TTN: variants seen among roughly 807,000 people sequenced by gnomAD.
The protein encoded by TTN is connectin.
TTN carries 1,525 observed loss-of-function variants against 3,223.0 expected under a neutral mutation model. The ratio of observed to expected loss-of-function variants is 0.47; its 90% CI spans 0.45 to 0.49. The LOEUF is 0.49. Among genes scored for constraint, TTN ranks in the 20% least tolerant of loss-of-function variants. The probability of loss-of-function intolerance (pLI) is 0.00; values close to 1 mark genes in which losing one functional copy is unlikely to be tolerated. For missense variants in TTN, 40,786 were observed against 43,424.0 expected, an observed-to-expected ratio of 0.94 and a Z score of 5.40; for synonymous variants, 14,094 against 15,161.0, an observed-to-expected ratio of 0.93 and a Z score of 5.17.
Position 178,757,865 on chromosome 2 carries a change from A to G in TTN, c.10355T>C (p.Leu3452Ser). Residue 3452 changes from leucine (L) to serine (S), a missense_variant, in exon 45 of 363, where the codon TTA becomes TCA. Transcript: ENST00000589042. ...NTSNSQWHVS[L>S]SVSFKKEPLG... ...GGGCTCCTTCTTAAATGAAACTGAT[A>G]AAGAGACATGCCATTGGGAGTTTGA... 6.4e-7 allele frequency: 1 copy of G among 1,560,388 alleles called. No individual in the cohort carries two copies. Among genetic ancestry groups the G allele is most frequent in the South Asian group, 1.2e-5 (1 of 81,272 alleles).
chr2:178,794,836 T>A, intron 7 of TTN, 86 bp downstream of exon 7: 2 of 1,547,428 alleles, frequency 1.3e-6, no homozygotes, highest in Non-Finnish European at 1.8e-6. Context: ...TTTCCTCCAA[T>A]TTATACAGAC....
At chr2:178,777,116 T>C in intron 27 of TTN, 33 bp downstream of exon 27, 1 of 1,614,048 alleles carries the variant, frequency 6.2e-7, no homozygotes, top group Non-Finnish European at 8.5e-7. Context: ...TGGATTTGTA[T>C]AATGAGCTTA....
intron 21 of TTN, 93 bp from the exon 22 acceptor site, chr2:178,780,298 T>G: frequency 8.0e-7 from 1 of 1,245,764 alleles, no homozygotes; most frequent in Non-Finnish European, 1.2e-6. Context: ...CTGGGGAAAG[T>G]TGATAACCAA....
In TTN at chr2:178,785,894, G is replaced by A. The variant is rs754044074; in HGVS notation, c.2324C>T (p.Thr775Ile). Residue 775 changes from threonine (T) to isoleucine (I), a missense_variant, in exon 14 of 363, where the codon ACT becomes ATT. Coordinates refer to ENST00000589042, the MANE Select transcript of TTN (RefSeq NM_001267550.2). ...CTTTTGATCAGTAGTTTTGATATGA[G>A]TCTCAGAAGGAGCCTGGATTACTCT... ...KPRVIQAPSETHIKTTDQKGM... is the reference protein window; with the variant it reads ...KPRVIQAPSEIHIKTTDQKGM... 1 of 1,614,126 alleles carries A rather than the reference G, an allele frequency of 6.2e-7. No individual in the cohort carries two copies. The highest frequency in any genetic ancestry group is 8.5e-7 in the Non-Finnish European group (1 of 1,180,010).
In TTN at chr2:178,529,189, G is replaced by A; in HGVS notation, c.106562C>T (p.Ser35521Phe). The change falls in exon 360 of 363, where the codon TCT becomes TTT. Residue 35521 changes from serine to phenylalanine, a missense_variant. Physicochemically the swap from Ser to Phe is radical, Grantham distance 155. Coordinates refer to ENST00000589042, the MANE Select transcript of TTN (RefSeq NM_001267550.2). ...AIKDTEAQKV[S>F]TQKTSEITPQ... ...TGTAATTTCAGAAGTCTTTTGTGTA[G>A]AGACTTTCTGTGCCTCAGTATCTTT... 1 of 1,512,314 alleles carries A rather than the reference G, an allele frequency of 6.6e-7. No individual in the cohort carries two copies. Among genetic ancestry groups the A allele is most frequent in the South Asian group, 1.4e-5 (1 of 73,808 alleles). The allele number at this position is 1,512,314 out of a possible 1,614,324, so 93.7% of individuals were successfully genotyped here.
At position 178,563,388 on chromosome 2, in the gene TTN, T is replaced by C. The variant is rs1704394445; in HGVS notation, c.82744A>G (p.Thr27582Ala). 1.2e-6 allele frequency: 2 copies of C among 1,613,570 alleles called. No individual in the cohort carries two copies. The highest frequency in any genetic ancestry group is 1.1e-5 in the South Asian group (1 of 91,078). ...GPPSNPKVTD[T>A]SRSSVSLAWS... is the part of the protein sequence containing the mutation. The stretch of plus-strand genomic sequence containing the variant: ...GCCAGGGAGACAGAAGATCTGGAAG[T>C]GTCCGTCACTTTTGGATTGCTTGGG... Residue 27582 changes from threonine (T) to alanine (A), a missense_variant, in exon 326 of 363, where the codon ACT becomes GCT. Physicochemically the swap from Thr to Ala is moderately conservative, Grantham distance 58 (BLOSUM62 0). Transcript: ENST00000589042. This position sits in a 1 kb window ranked among gnomAD's most constrained non-coding sequence, Gnocchi z 4.5.
rs748045267 is a variant in TTN at position 178,717,975 on chromosome 2, G to T, written c.25031C>A (p.Ala8344Glu). The T allele has an allele frequency of 6.2e-7, 1 of 1,613,290 alleles. No individual in the cohort carries two copies. Among genetic ancestry groups the T allele is most frequent in the Non-Finnish European group, 8.5e-7 (1 of 1,179,322 alleles). ...AACAAGCACAGCTGAAGAAGCGACT[G>T]CCCCCACACTGTTGTCTGCCTTGCA... ...YSCKADNSVG[A>E]VASSAVLVIK... Residue 8344 changes from alanine to glutamate, a missense_variant, in exon 86 of 363, where the codon GCA becomes GAA. Physicochemically the swap from Ala to Glu is moderately radical, Grantham distance 107 (BLOSUM62 -1). Transcript: ENST00000589042.
rs773395217 is a variant in TTN at position 178,619,895 on chromosome 2, G to A, written c.46430-8C>T. The A allele has an allele frequency of 8.1e-6, 13 of 1,604,286 alleles. No individual in the cohort carries two copies. In the African/African-American group the frequency reaches 1.6e-4, roughly 20 times the overall value. On this transcript the variant is annotated splice_polypyrimidine_tract_variant and splice_region_variant and intron_variant, in intron 249 of 362. Coordinates refer to ENST00000589042, the MANE Select transcript of TTN (RefSeq NM_001267550.2). The stretch of plus-strand genomic sequence containing the variant: ...TGATCTCAACAGGAATTTCTGGAAA[G>A]AAAATGTGAAATAAATACAAATATG...
chr2:178,715,833 G>T, intron 88 of TTN, 59 bp from the exon 89 acceptor site: 1 of 1,461,050 alleles, frequency 6.8e-7, no homozygotes, highest in Non-Finnish European at 9.1e-7. Flanking sequence ...TATAATTCAA[G>T]ATGAGGTGGA....
intron 273 of TTN, 142 bp from the exon 274 acceptor site, chr2:178,609,050 A>G (rs1049011219): frequency 1.5e-6 from 2 of 1,290,446 alleles, no homozygotes. Context: ...ATAAATAACA[A>G]GATCAGGTGA....
Position 178,543,312 on chromosome 2 carries a change from G to C in TTN, c.96661C>G (p.Leu32221Val), listed in dbSNP as rs1695511296. Residue 32221 changes from leucine (L) to valine (V), a missense_variant, in exon 347 of 363, where the codon CTT (leucine) becomes GTT (valine). Coordinates refer to ENST00000589042, the MANE Select transcript of TTN (RefSeq NM_001267550.2). ...TCGTAGAGTGGTTTTTCCCAGGCAA[G>C]GGTAACAGTGGATTTGGTGACATCG... ...VVDVTKSTVT[L>V]AWEKPLYDGG... 2 of 1,613,774 alleles carry C rather than the reference G, an allele frequency of 1.2e-6. No homozygotes were observed. The highest frequency in any genetic ancestry group is 1.7e-6 in the Non-Finnish European group (2 of 1,179,770).
In TTN at chr2:178,532,802, C is replaced by G; in HGVS notation, c.103813G>C (p.Val34605Leu). The G allele has an allele frequency of 6.2e-7, 1 of 1,613,976 alleles. No homozygotes were observed. The highest frequency in any genetic ancestry group is 8.5e-7 in the Non-Finnish European group (1 of 1,179,856). ...IRLSRWEQFY[V>L]MPLPRITDQY... ...TCTGTAATGCGTGGAAGAGGCATCACATAGAACTGTTCCCATCTTGAAAGG... is the reference window on the plus strand; with the variant it reads ...TCTGTAATGCGTGGAAGAGGCATCAGATAGAACTGTTCCCATCTTGAAAGG... The change falls in exon 358 of 363, where the codon GTG becomes CTG. Residue 34605 changes from valine (V) to leucine (L), a missense_variant. Transcript: ENST00000589042.
chr2:178,702,657 G>C lies in TTN; in HGVS notation c.30230C>G (p.Pro10077Arg). The change falls in exon 107 of 363, where the codon CCA becomes CGA. Residue 10077 changes from proline (P) to arginine (R), a missense_variant. Pro to Arg is a moderately radical substitution (Grantham distance 103, BLOSUM62 -2). Coordinates refer to ENST00000589042, the MANE Select transcript of TTN (RefSeq NM_001267550.2). ...TSAELRIEAE[P>R]IQFTKRIQNI... ...CTGTATGCGCTTTGTAAACTGAATT[G>C]GTTCAGCTGTTTAAGTACAAAGAGG... 6.2e-7 allele frequency: 1 copy of C among 1,612,054 alleles called. No homozygotes were observed. Among genetic ancestry groups the C allele is most frequent in the Non-Finnish European group, 8.5e-7 (1 of 1,178,374 alleles).
At position 178,630,221 on chromosome 2, in the gene TTN, G is replaced by GA. The variant is rs770306737; in HGVS notation, c.44281+19dup. ...GAAAAAGTGTTTATTTAATTTCCCT[G>GA]AAAAATATACAATACTTACGCTTAA... On this transcript the variant is annotated intron_variant, in intron 239 of 362. Transcript: ENST00000589042. 3.1e-6 allele frequency: 5 copies of GA among 1,610,754 alleles called. No homozygotes were observed. The Admixed American group carries it at 6.7e-5, about 22-fold the overall frequency.
chr2:178,787,099 A>G (rs1185521405), intron 13 of TTN, among the ~76,000 whole-genome samples: 1 of 151,852 alleles, frequency 6.6e-6, no homozygotes, highest in Non-Finnish European at 1.5e-5. Context: ...TAAAAGTAAG[A>G]TTGGAAAATT....
intron 168 of TTN, 50 bp downstream of exon 168, chr2:178,664,406 CCTTT>C: frequency 7.3e-7 from 1 of 1,370,288 alleles, no homozygotes; most frequent in East Asian, 2.3e-5. Context: ...GAAAGGTGGT[CCTTT>C]CTATCGCCCC....
At position 178,535,785 on chromosome 2, in the gene TTN, A is replaced by T; in HGVS notation, c.100830T>A (p.Gly33610=). 6.2e-7 allele frequency: 1 copy of T among 1,612,074 alleles called. No homozygotes were observed. Among genetic ancestry groups the T allele is most frequent in the South Asian group, 1.1e-5 (1 of 91,018 alleles). ...AAGGAATCTTGATGCTGACCACTTC[A>T]CCTCGGAGAGCATGAACTGCTCCCA... ...EGMGAVHALR[G]EVVSIKIPFS... Residue 33610 remains glycine, a synonymous_variant, in exon 358 of 363, where the codon GGT becomes GGA. Coordinates refer to ENST00000589042, the MANE Select transcript of TTN (RefSeq NM_001267550.2).
chr2:178,633,908 T>G lies in TTN; in HGVS notation c.42591A>C (p.Lys14197Asn). ...CCAATGTCACTTCTTTCATTTCCAATTTGTGAGTCTTGCCCTCAGAAGAGA... is the reference window on the plus strand; with the variant it reads ...CCAATGTCACTTCTTTCATTTCCAAGTTGTGAGTCTTGCCCTCAGAAGAGA... ...VLISSEGKTH[K>N]LEMKEVTLDD... Residue 14197 changes from lysine to asparagine, a missense_variant, in exon 231 of 363, where the codon AAA becomes AAC. Transcript: ENST00000589042. 6.2e-7 allele frequency: 1 copy of G among 1,613,454 alleles called. No homozygotes were observed. Among genetic ancestry groups the G allele is most frequent in the Non-Finnish European group, 8.5e-7 (1 of 1,179,558 alleles).
chr2:178,776,251 T>A lies in TTN; in HGVS notation c.5613A>T (p.Lys1871Asn). 1.2e-6 allele frequency: 2 copies of A among 1,614,160 alleles called. No individual in the cohort carries two copies. The highest frequency in any genetic ancestry group is 1.7e-6 in the Non-Finnish European group (2 of 1,179,986). ...RCRVTGYPQP[K>N]VNWYLNGQLI... is the part of the protein sequence containing the mutation. ...GCTGTCCATTGAGGTACCAGTTGAC[T>A]TTGGGCTGAGGGTAGCCTGTTACCC... The change falls in exon 28 of 363, where the codon AAA (lysine) becomes AAT (asparagine). Residue 1871 changes from lysine to asparagine, a missense_variant. By Grantham distance (94) the Lys-to-Asn change is moderately conservative. Coordinates refer to ENST00000589042, the MANE Select transcript of TTN (RefSeq NM_001267550.2).
Sources: gnomAD v4.1 joint callset for allele counts (sites outside exome capture counted in the v4.1 genomes callset) on GRCh38, gnomAD v4.1.1 for gene constraint, Gnocchi (gnomAD v3.1) non-coding constraint, MANE v1.5 for transcripts, NCBI Gene and HGNC (gene_info 2026-07-23, HGNC 2026-07-21) for gene names.